Variants in RXFP2 observed in about 807,000 individuals in gnomAD.
RXFP2 encodes the protein relaxin family peptide receptor 2.
In RXFP2, 68 loss-of-function variants were observed where a neutral mutation model predicts 88.6. The ratio of observed to expected loss-of-function variants is 0.77; its 90% CI spans 0.63 to 0.94. The LOEUF is 0.94. Among genes scored for constraint, RXFP2 ranks in the 40% least tolerant of loss-of-function variants. The probability of loss-of-function intolerance (pLI) is 0.00; values close to 1 mark genes in which losing one functional copy is unlikely to be tolerated. For synonymous variants in RXFP2, 329 were observed against 306.8 expected (o/e 1.07, Z -0.76); for missense variants, 791 against 893.9 (o/e 0.88, Z 1.47).
intron 5 of RXFP2, among the ~76,000 whole-genome samples, chr13:31,771,045 C>G (rs1872718660): frequency 6.6e-6 from 1 of 152,244 alleles, no homozygotes; most frequent in East Asian, 1.9e-4. Context: ...AAAGGCATCC[C>G]CACAGGAGAT....
rs372157314 is a variant in RXFP2 at position 31,739,586 on chromosome 13, G to T, written c.-27G>T. The T allele has an allele frequency of 2.8e-6, 4 of 1,419,288 alleles. No homozygotes were observed. In the South Asian group the frequency reaches 4.6e-5, roughly 16 times the overall value. 87.9% of individuals were successfully genotyped at this position (1,419,288 alleles called of 1,614,324 possible). A position where few individuals can be genotyped will look rare whatever the true frequency, so the allele number is the denominator to read the frequency against. On this transcript the variant is annotated 5_prime_UTR_variant, in exon 1 of 18. Coordinates refer to ENST00000298386, the MANE Select transcript of RXFP2 (RefSeq NM_130806.5). ...CTCCTGCTGAGGTATAAGAGGATAC[G>T]TCTAATAACTCAATTGCTGTAAACC...
At chr13:31,755,348 T>A (rs748639578) in intron 1 of RXFP2, among the ~76,000 whole-genome samples, 2 of 152,130 alleles carry the variant, frequency 1.3e-5, no homozygotes, top group African/African-American at 2.4e-5. Context: ...AAAAGAGTGA[T>A]ATTTCGGGAA....
chr13:31,793,218 A>G, intron 16 of RXFP2, 130 bp downstream of exon 16: 1 of 842,000 alleles, frequency 1.2e-6, no homozygotes, highest in South Asian at 1.8e-5. Context: ...TTTTCACACA[A>G]AAAAGTTTTT....
intron 11 of RXFP2, among the ~76,000 whole-genome samples, chr13:31,785,836 T>G (rs1873511964): frequency 6.6e-6 from 1 of 152,186 alleles, no homozygotes; most frequent in Non-Finnish European, 1.5e-5. Context: ...ACAGTCCTAT[T>G]ATATTTAATT....
intron 9 of RXFP2, among the ~76,000 whole-genome samples, chr13:31,781,394 T>C (rs1241142740): frequency 6.6e-6 from 1 of 152,114 alleles, no homozygotes; most frequent in African/African-American, 2.4e-5. Context: ...AATGGTAGTT[T>C]ATGATGGGTT....
At chr13:31,771,348 C>T (rs900288893) in intron 5 of RXFP2, among the ~76,000 whole-genome samples, 8 of 152,138 alleles carry the variant, frequency 5.3e-5, no homozygotes, top group Non-Finnish European at 1.2e-4. Context: ...CTCCTCCTGT[C>T]GGATCAGCAG....
rs1209832271 is a variant in RXFP2 at position 31,758,312 on chromosome 13, T to A, written c.149T>A (p.Phe50Tyr). The change falls in exon 2 of 18, where the codon TTT (phenylalanine) becomes TAT (tyrosine). Residue 50 changes from phenylalanine (F) to tyrosine (Y), a missense_variant. By Grantham distance (22) the Phe-to-Tyr change is conservative (BLOSUM62 3). Transcript: ENST00000298386. ...MITPSCQKGY[F>Y]PCGNLTKCLP... is the part of the protein sequence containing the mutation. ...ACTCCTTCATGCCAAAAAGGATATTTTCCCTGTGGGAATCTTACCAAGTGC... is the reference window on the plus strand; with the variant it reads ...ACTCCTTCATGCCAAAAAGGATATTATCCCTGTGGGAATCTTACCAAGTGC... 1.2e-6 allele frequency: 2 copies of A among 1,614,114 alleles called. No homozygotes were observed. Among genetic ancestry groups the A allele is most frequent in the Non-Finnish European group, 1.7e-6 (2 of 1,179,996 alleles).
chr13:31,798,175 T>C (rs1874148004), intron 17 of RXFP2, among the ~76,000 whole-genome samples: 1 of 152,246 alleles, frequency 6.6e-6, no homozygotes, highest in Non-Finnish European at 1.5e-5. Context: ...GGATGCCTGA[T>C]ACTTTGATAG....
At chr13:31,776,330 A>ACTG (rs1284668603) in intron 7 of RXFP2, among the ~76,000 whole-genome samples, 1 of 129,898 alleles carries the variant, frequency 7.7e-6, no homozygotes, top group Non-Finnish European at 1.5e-5. Flanking sequence ...ATCTCAACTC[A>ACTG]CTGCAGCCTC....
At chr13:31,763,698 A>G (rs1368490616) in intron 3 of RXFP2, among the ~76,000 whole-genome samples, 1 of 152,188 alleles carries the variant, frequency 6.6e-6, no homozygotes, top group African/African-American at 2.4e-5. Context: ...CAGGTGATGG[A>G]GGGTGAACAG....
chr13:31,797,248 A>G lies in RXFP2; in HGVS notation c.1834A>G (p.Met612Val), dbSNP rs1566238591. 1.2e-6 allele frequency: 2 copies of G among 1,613,818 alleles called. No homozygotes were observed. Among genetic ancestry groups the G allele is most frequent in the Admixed American group, 1.7e-5 (1 of 60,010 alleles). ...CATCATTGTGTTTTCCTATATTACT[A>G]TGTTCTGTTCCATTCAAAAAACCGC... The part of the protein sequence containing the change: ...FLIIVFSYIT[M>V]FCSIQKTALQ... Residue 612 changes from methionine (M) to valine (V), a missense_variant, in exon 17 of 18, where the codon ATG (methionine) becomes GTG (valine). Transcript: ENST00000298386.
chr13:31,778,483 T>C, intron 8 of RXFP2, 29 bp from the exon 9 acceptor site: 1 of 1,465,436 alleles, frequency 6.8e-7, no homozygotes, highest in Non-Finnish European at 9.6e-7. Flanking sequence ...TATCATTTTA[T>C]TTCTAATTAA....
intron 17 of RXFP2, among the ~76,000 whole-genome samples, chr13:31,801,429 A>G (rs1164138893): frequency 1.3e-5 from 2 of 152,026 alleles, no homozygotes; most frequent in African/African-American, 4.8e-5. Context: ...ATTCGCTCAC[A>G]CTCAACCTAG....
chr13:31,758,513 C>A, intron 2 of RXFP2, 109 bp downstream of exon 2: 2 of 1,308,314 alleles, frequency 1.5e-6, no homozygotes, highest in Non-Finnish European at 2.2e-6. Flanking sequence ...ATTTGGTGTT[C>A]TGTAGGGATT....
chr13:31,767,865 T>A (rs935476248), intron 5 of RXFP2, among the ~76,000 whole-genome samples: 3 of 152,120 alleles, frequency 2.0e-5, no homozygotes, highest in African/African-American at 7.2e-5. Flanking sequence ...CCCTTGTATA[T>A]GTTTTGCCCC....
At chr13:31,795,121 C>T (rs1873964760) in intron 16 of RXFP2, among the ~76,000 whole-genome samples, 1 of 151,322 alleles carries the variant, frequency 6.6e-6, no homozygotes, top group Non-Finnish European at 1.5e-5. Context: ...TAACATCTTT[C>T]TTATATTACT....
At chr13:31,756,980 C>G (rs375158465) in intron 1 of RXFP2, among the ~76,000 whole-genome samples, 1 of 152,122 alleles carries the variant, frequency 6.6e-6, no homozygotes, top group Non-Finnish European at 1.5e-5. Context: ...AAACATGTCT[C>G]TTTATTTTCT....
At chr13:31,770,913 A>G (rs1410034244) in intron 5 of RXFP2, among the ~76,000 whole-genome samples, 1 of 152,216 alleles carries the variant, frequency 6.6e-6, no homozygotes, top group Admixed American at 6.5e-5. Flanking sequence ...AACGATGGGT[A>G]GCACTAACAT....
rs1478900107 is a variant in RXFP2 at position 31,793,041 on chromosome 13, A to C, written c.1739A>C (p.Gln580Pro). The part of the protein sequence containing the change: ...NGVCFPLYYD[Q>P]TEDIGSKGYS... ...GTATGTTTCCCACTTTATTATGACC[A>C]AACAGAAGATATTGGAAGCAAAGGG... The change falls in exon 16 of 18, where the codon CAA becomes CCA. Residue 580 changes from glutamine to proline, a missense_variant. Gln to Pro is a moderately conservative substitution (Grantham distance 76). Coordinates refer to ENST00000298386, the MANE Select transcript of RXFP2 (RefSeq NM_130806.5). 6.2e-7 allele frequency: 1 copy of C among 1,613,560 alleles called. No homozygotes were observed. Among genetic ancestry groups the C allele is most frequent in the Admixed American group, 1.7e-5 (1 of 59,966 alleles).
Sources: allele counts gnomAD v4.1 joint callset (sites outside exome capture counted in the v4.1 genomes callset), GRCh38; gene constraint gnomAD v4.1.1; transcripts MANE v1.5; gene names NCBI Gene and HGNC (gene_info 2026-07-23, HGNC 2026-07-21).